ATP1A1: variants seen among roughly 807,000 people sequenced by gnomAD.
The protein encoded by ATP1A1 is sodium/potassium-transporting ATPase subunit alpha-1.
In ATP1A1, 14 loss-of-function variants were observed where a neutral mutation model predicts 114.8. The observed-to-expected ratio is 0.12, with a 90% CI of 0.08 to 0.19. The LOEUF (loss-of-function observed/expected upper bound fraction) is 0.19. Ranked by LOEUF, ATP1A1 falls within the 10% of genes least tolerant of loss-of-function variation. The pLI is 1.00. For missense variants in ATP1A1, 524 were observed against 1,290.7 expected, an observed-to-expected ratio of 0.41 and a Z score of 9.10; for synonymous variants, 471 against 466.3, an observed-to-expected ratio of 1.01 and a Z score of -0.13.
chr1:116,403,951 C>T lies in ATP1A1; in HGVS notation c.3019C>T (p.Leu1007Phe). 1 of 1,614,242 alleles carries T rather than the reference C, an allele frequency of 6.2e-7. No individual in the cohort carries two copies. The highest frequency in any genetic ancestry group is 1.7e-5 in the Admixed American group (1 of 60,032). The stretch of plus-strand genomic sequence containing the variant: ...CTTCGTATATGACGAAGTCAGAAAA[C>T]TCATCATCAGGCGACGCCCTGGCGG... ...LIFVYDEVRK[L>F]IIRRRPGGWV... Residue 1007 changes from leucine to phenylalanine, a missense_variant, in exon 22 of 23, where the codon CTC becomes TTC. By Grantham distance (22) the Leu-to-Phe change is conservative. Transcript: ENST00000295598.
In ATP1A1 at chr1:116,397,055, T is replaced by G. The variant is rs556589634; in HGVS notation, c.1973+321T>G. 1.3e-5 allele frequency among the ~76,000 whole-genome samples: 2 copies of G among 152,194 alleles called. No homozygotes were observed. Among genetic ancestry groups the G allele is most frequent in the Admixed American group, 6.5e-5 (1 of 15,280 alleles). The stretch of plus-strand genomic sequence containing the variant: ...AAATCATGCAGTAAATTCAGCAGTC[T>G]AGCTTCTGATTTCATGCTGTTAACC... On this transcript the variant is annotated intron_variant, in intron 14 of 22. Transcript: ENST00000295598. The surrounding 1 kb of genome is among the most constrained non-coding windows in gnomAD (Gnocchi z 4.2).
At position 116,400,932 on chromosome 1, in the gene ATP1A1, C is replaced by T; in HGVS notation, c.2644C>T (p.His882Tyr). The change falls in exon 19 of 23, where the codon CAC (histidine) becomes TAC (tyrosine). Residue 882 changes from histidine to tyrosine, a missense_variant. Physicochemically the swap from His to Tyr is moderately conservative, Grantham distance 83. Transcript: ENST00000295598. ...GGCTGAGAACGGCTTCCTCCCAATT[C>T]ACCTGTTGGGCCTCCGAGTGGACTG... is the stretch of plus-strand genomic sequence containing the variant. ...ILAENGFLPIHLLGLRVDWDD... is the reference protein window; with the variant it reads ...ILAENGFLPIYLLGLRVDWDD... The T allele has an allele frequency of 3.1e-6, 5 of 1,614,212 alleles. No homozygotes were observed. The highest frequency in any genetic ancestry group is 1.1e-5 in the South Asian group (1 of 91,084).
intron 1 of ATP1A1, among the ~76,000 whole-genome samples, chr1:116,376,861 T>C (rs2101029787): frequency 6.6e-6 from 1 of 152,312 alleles, no homozygotes; most frequent in East Asian, 1.9e-4. Flanking sequence ...ACTTAAAATA[T>C]ACAGATTCCT....
Position 116,387,139 on chromosome 1 carries a change from G to A in ATP1A1, c.184-149G>A. On this transcript the variant is annotated intron_variant, in intron 3 of 22. Coordinates refer to ENST00000295598, the MANE Select transcript of ATP1A1 (RefSeq NM_000701.8). The surrounding 1 kb of genome is among the most constrained non-coding windows in gnomAD (Gnocchi z 6.7). ...GCTCATCAGCAGAATTATTCATGGAGGAATTTGCTAGGTTTTACCTTGGCT... is the reference window on the plus strand; with the variant it reads ...GCTCATCAGCAGAATTATTCATGGAAGAATTTGCTAGGTTTTACCTTGGCT... 2.3e-6 allele frequency: 2 copies of A among 873,400 alleles called. No homozygotes were observed. Among genetic ancestry groups the A allele is most frequent in the Non-Finnish European group, 3.5e-6 (2 of 574,880 alleles). The allele number at this position is 873,400 out of a possible 1,614,324, so 54.1% of individuals were successfully genotyped here. A position where few individuals can be genotyped will look rare whatever the true frequency, so the allele number is the denominator to read the frequency against.
chr1:116,373,974 C>T, intron 1 of ATP1A1: 1 of 1,380,412 alleles, frequency 7.2e-7, no homozygotes, highest in African/African-American at 1.5e-5. Context: ...CCTCCGTGCC[C>T]TGAGGAAAGG....
rs1312267762 is a variant in ATP1A1 at position 116,387,949 on chromosome 1, G to A, written c.388-182G>A. Among the ~76,000 whole-genome samples the A allele has an allele frequency of 6.6e-6, 1 of 152,238 alleles. No individual in the cohort carries two copies. The highest frequency in any genetic ancestry group is 6.5e-5 in the Admixed American group (1 of 15,290). On this transcript the variant is annotated intron_variant, in intron 4 of 22. Transcript: ENST00000295598. The surrounding 1 kb of genome is among the most constrained non-coding windows in gnomAD (Gnocchi z 6.7). ...TTAGTGATCAAGTGTTGGTGTGCCT[G>A]ACTCCATTTCTGACCCTTCCTGTGT...
Position 116,373,398 on chromosome 1 carries a change from A to G in ATP1A1, c.-114A>G. On this transcript the variant is annotated 5_prime_UTR_variant, in exon 1 of 23. Transcript: ENST00000295598. ...CACCCTCCCGCCCCGCGGCAGCCCT[A>G]GCTCCCTCCACTTGGCTCCCCTGGT... The G allele has an allele frequency of 2.5e-6, 2 of 808,280 alleles. No homozygotes were observed. The highest frequency in any genetic ancestry group is 1.8e-6 in the Non-Finnish European group (1 of 561,966). 50.1% of individuals were successfully genotyped at this position (808,280 alleles called of 1,614,324 possible).
At chr1:116,374,479 A>T (rs1278690623) in intron 1 of ATP1A1, among the ~76,000 whole-genome samples, 1 of 152,158 alleles carries the variant, frequency 6.6e-6, no homozygotes, top group African/African-American at 2.4e-5. Context: ...TCGCGGAAGC[A>T]CCAAAGGGCG....
intron 10 of ATP1A1, 51 bp from the exon 11 acceptor site, chr1:116,392,803 C>G (rs1570962885): frequency 1.3e-6 from 2 of 1,579,556 alleles, no homozygotes; most frequent in Non-Finnish European, 1.7e-6. Context: ...TTTAGTGATG[C>G]CTCAGTGAAA....
intron 8 of ATP1A1, 150 bp from the exon 9 acceptor site, chr1:116,390,063 A>G (rs185392470): frequency 3.6e-6 from 3 of 823,910 alleles, no homozygotes; most frequent in South Asian, 1.7e-5. Flanking sequence ...AGCCTCATGT[A>G]TGGGTTCCCC....
intron 18 of ATP1A1, among the ~76,000 whole-genome samples, chr1:116,400,641 A>G (rs1261283852): frequency 6.6e-6 from 1 of 152,140 alleles, no homozygotes; most frequent in Non-Finnish European, 1.5e-5. Flanking sequence ...AAGTGACTCA[A>G]AAAGCAGAGG....
chr1:116,384,648 A>T lies in ATP1A1; in HGVS notation c.124-135A>T, dbSNP rs1651960652. ...GCCACAAAGCGATGGTGAAAATTGT[A>T]CCAACTTATGCACTGAAGAAAACAT... On this transcript the variant is annotated intron_variant, in intron 2 of 22. Coordinates refer to ENST00000295598, the MANE Select transcript of ATP1A1 (RefSeq NM_000701.8). This position sits in a 1 kb window ranked among gnomAD's most constrained non-coding sequence, Gnocchi z 5.1. The T allele has an allele frequency of 1.4e-6, 1 of 721,202 alleles. No homozygotes were observed. The highest frequency in any genetic ancestry group is 4.0e-4 in the Middle Eastern group (1 of 2,516). 44.7% of individuals were successfully genotyped at this position (721,202 alleles called of 1,614,324 possible).
intron 12 of ATP1A1, among the ~76,000 whole-genome samples, chr1:116,394,102 T>C (rs1037222569): frequency 9.2e-5 from 14 of 152,224 alleles, no homozygotes; most frequent in African/African-American, 3.1e-4. Context: ...TAATTCTTAG[T>C]GTGTCTAAGT....
At position 116,393,050 on chromosome 1, in the gene ATP1A1, C is replaced by G; in HGVS notation, c.1467+62C>G. On this transcript the variant is annotated intron_variant, in intron 11 of 22. Coordinates refer to ENST00000295598, the MANE Select transcript of ATP1A1 (RefSeq NM_000701.8). This position sits in a 1 kb window ranked among gnomAD's most constrained non-coding sequence, Gnocchi z 5.0. ...AGCTGGGGGACAAAGAGGGGAGGTA[C>G]ATGAGCAGGAAGAGGAAATATTCTC... The G allele has an allele frequency of 6.3e-7, 1 of 1,588,814 alleles. No individual in the cohort carries two copies. The highest frequency in any genetic ancestry group is 8.6e-7 in the Non-Finnish European group (1 of 1,166,556).
At chr1:116,400,099 C>T (rs1485650796) in intron 18 of ATP1A1, among the ~76,000 whole-genome samples, 2 of 152,212 alleles carry the variant, frequency 1.3e-5, no homozygotes, top group African/African-American at 2.4e-5. Context: ...GTTTTTAAAT[C>T]CTCTGCCTAG....
intron 9 of ATP1A1, 101 bp downstream of exon 9, chr1:116,390,512 A>G: frequency 4.4e-6 from 5 of 1,148,680 alleles, no homozygotes; most frequent in Non-Finnish European, 6.0e-6. Context: ...TTTTAAGCTC[A>G]TGGCAGCTTT....
Position 116,388,988 on chromosome 1 carries a change from C to T in ATP1A1, c.723C>T (p.Asn241=), listed in dbSNP as rs761912993. 1.2e-6 allele frequency: 2 copies of T among 1,614,190 alleles called. No individual in the cohort carries two copies. Among genetic ancestry groups the T allele is most frequent in the Admixed American group, 3.3e-5 (2 of 60,034 alleles). ...FTNENPLETR[N]IAFFSTNCVE... ...ATGAAAACCCCCTGGAGACGAGGAA[C>T]ATTGCCTTCTTTTCAACCAATTGTG... The change falls in exon 7 of 23, where the codon AAC becomes AAT. Residue 241 remains asparagine (N), a synonymous_variant. Transcript: ENST00000295598. The surrounding 1 kb of genome is among the most constrained non-coding windows in gnomAD (Gnocchi z 5.6).
chr1:116,390,608 C>G (rs1443663976), intron 9 of ATP1A1, among the ~76,000 whole-genome samples, 174 bp from the exon 10 acceptor site: 1 of 143,768 alleles, frequency 7.0e-6, no homozygotes, highest in Non-Finnish European at 1.5e-5. Flanking sequence ...TCAGTAGAAA[C>G]TTTAAATTGC....
rs1246183822 is a variant in ATP1A1 at position 116,397,498 on chromosome 1, T to G, written c.1974-390T>G. Among the ~76,000 whole-genome samples the G allele has an allele frequency of 6.6e-6, 1 of 152,124 alleles. No individual in the cohort carries two copies. Among genetic ancestry groups the G allele is most frequent in the African/African-American group, 2.4e-5 (1 of 41,418 alleles). ...CCATGCCCGGCTAATTTTTGAATTT[T>G]TAGACCACCATTTTGGCAAGCTGGT... is the stretch of plus-strand genomic sequence containing the variant. On this transcript the variant is annotated intron_variant, in intron 14 of 22. Coordinates refer to ENST00000295598, the MANE Select transcript of ATP1A1 (RefSeq NM_000701.8). This position sits in a 1 kb window ranked among gnomAD's most constrained non-coding sequence, Gnocchi z 4.2.
Sources: gnomAD v4.1 joint callset for allele counts (sites outside exome capture counted in the v4.1 genomes callset) on GRCh38, gnomAD v4.1.1 for gene constraint, Gnocchi (gnomAD v3.1) non-coding constraint, MANE v1.5 for transcripts, NCBI Gene and HGNC (gene_info 2026-07-23, HGNC 2026-07-21) for gene names.